Variants in MDH1 observed in about 807,000 individuals in gnomAD.
The protein encoded by MDH1 is malate dehydrogenase, cytoplasmic.
In MDH1, 15 loss-of-function variants were observed where a neutral mutation model predicts 38.7. That is an observed-to-expected ratio of 0.39 (90% CI 0.26 to 0.60). The LOEUF (loss-of-function observed/expected upper bound fraction) is 0.60. MDH1 is among the 20% of genes least tolerant of loss of function. The pLI is 0.56. For synonymous variants in MDH1, 144 were observed against 143.6 expected (o/e 1.00, Z -0.02); for missense variants, 368 against 405.2 (o/e 0.91, Z 0.79).
intron 6 of MDH1, among the ~76,000 whole-genome samples, 180 bp from the exon 7 acceptor site, chr2:63,605,100 G>A (rs1709501554): frequency 6.6e-6 from 1 of 152,136 alleles, no homozygotes; most frequent in Non-Finnish European, 1.5e-5. Flanking sequence ...TTTGTATGGA[G>A]ATACATAGTT....
intron 8 of MDH1, 98 bp downstream of exon 8, chr2:63,606,126 A>G (rs972206425): frequency 1.7e-6 from 2 of 1,159,014 alleles, no homozygotes; most frequent in Non-Finnish European, 2.6e-6. Context: ...TCACGCCTAT[A>G]ATCCCAACAC....
chr2:63,590,009 A>G (rs964346053), intron 1 of MDH1: 4 of 154,012 alleles, frequency 2.6e-5, no homozygotes, highest in East Asian at 1.9e-4. Flanking sequence ...GAACCTGAAA[A>G]GACACGTTTT....
chr2:63,605,650 GC>G (rs1709513656), intron 7 of MDH1, among the ~76,000 whole-genome samples: 1 of 152,172 alleles, frequency 6.6e-6, no homozygotes, highest in South Asian at 2.1e-4. Flanking sequence ...CTGGCACAAT[GC>G]CTGATACATA....
rs760976486 is a variant in MDH1, at chr2:63,605,289, C to G, written c.685C>G (p.Gln229Glu). 1 of 1,612,240 alleles carries G rather than the reference C, an allele frequency of 6.2e-7. No individual in the cohort carries two copies. Among genetic ancestry groups the G allele is most frequent in the South Asian group, 1.1e-5 (1 of 91,030 alleles). The change falls in exon 7 of 9, where the codon CAG (glutamine) becomes GAG (glutamate). Residue 229 changes from glutamine (Q) to glutamate (E), a missense_variant. Coordinates refer to ENST00000233114, the MANE Select transcript of MDH1 (RefSeq NM_005917.4). ...LKGEFVTTVQ[Q>E]RGAAVIKARK... is the part of the protein sequence containing the mutation. ...CCTGCCCCCTTCCCAGACTGTGCAG[C>G]AGCGTGGCGCTGCTGTCATCAAGGC...
At chr2:63,593,548 A>T (rs1192078010) in intron 1 of MDH1, 1 of 471,110 alleles carries the variant, frequency 2.1e-6, no homozygotes, top group Non-Finnish European at 4.4e-6. Context: ...CGTGACTCTC[A>T]TCTGGAAGAA....
chr2:63,602,934 CTTTTTTTTTTTTTTTTTTTTTTTTTT>C (rs370479356), intron 5 of MDH1, among the ~76,000 whole-genome samples: 8 of 131,624 alleles, frequency 6.1e-5, no homozygotes, highest in Non-Finnish European at 1.0e-4. Context: ...TTTAACCGTT[CTTTTTTTTTTTTTTTTTTTTTTTTTT>C]TTTTTTTTTT....
intron 3 of MDH1, among the ~76,000 whole-genome samples, chr2:63,596,094 A>G (rs1429826067): frequency 1.3e-5 from 2 of 152,202 alleles, no homozygotes; most frequent in Non-Finnish European, 2.9e-5. Flanking sequence ...TTTGCAAATC[A>G]TTGAACTATA....
chr2:63,604,001 G>A (rs1480497036), intron 5 of MDH1, among the ~76,000 whole-genome samples: 2 of 152,212 alleles, frequency 1.3e-5, no homozygotes, highest in Non-Finnish European at 2.9e-5. Flanking sequence ...TGTACTACAT[G>A]TGATTGCAAG....
chr2:63,603,977 T>C (rs1486676457), intron 5 of MDH1, among the ~76,000 whole-genome samples: 1 of 152,220 alleles, frequency 6.6e-6, no homozygotes, highest in East Asian at 1.9e-4. Flanking sequence ...CTTTCTAACC[T>C]TTTTTGTGGC....
Position 63,596,407 on chromosome 2 carries a change from T to C in MDH1, c.199+888T>C, listed in dbSNP as rs1003653606. On this transcript the variant is annotated intron_variant, in intron 3 of 8. Transcript: ENST00000233114. ...ATGACTGCCCACACTATTCTGTTGG[T>C]TCCCTTTTCTCACCCACAGCTCTTT... Among the ~76,000 whole-genome samples, 17 of 152,338 alleles carry C rather than the reference T, an allele frequency of 1.1e-4. No individual in the cohort carries two copies. The South Asian group carries it at 3.5e-3, about 32-fold the overall frequency.
chr2:63,595,886 A>G (rs933630385), intron 3 of MDH1, among the ~76,000 whole-genome samples: 8 of 152,332 alleles, frequency 5.3e-5, no homozygotes, highest in East Asian at 1.9e-4. Flanking sequence ...TTAACTGGTA[A>G]TAGTAGCATC....
rs1434592191 is a variant in MDH1, at chr2:63,604,687, T to C, written c.499-9T>C. Reference sequence around the variant, plus strand: ...GTCTCAGTAATGTATTTGTTTTCAATTTAACTAGATTGCTCTTAAACTTGG... The same window carrying C: ...GTCTCAGTAATGTATTTGTTTTCAACTTAACTAGATTGCTCTTAAACTTGG... On this transcript the variant is annotated splice_polypyrimidine_tract_variant and intron_variant, in intron 5 of 8. Coordinates refer to ENST00000233114, the MANE Select transcript of MDH1 (RefSeq NM_005917.4). 6.2e-7 allele frequency: 1 copy of C among 1,608,546 alleles called. No individual in the cohort carries two copies. Among genetic ancestry groups the C allele is most frequent in the African/African-American group, 1.3e-5 (1 of 74,726 alleles).
Position 63,597,532 on chromosome 2 carries a change from C to A in MDH1, c.333C>A (p.Ser111=). The A allele has an allele frequency of 6.7e-7, 1 of 1,503,526 alleles. No individual in the cohort carries two copies. Among genetic ancestry groups the A allele is most frequent in the Non-Finnish European group, 8.9e-7 (1 of 1,117,460 alleles). The allele number at this position is 1,503,526 out of a possible 1,614,324, so 93.1% of individuals were successfully genotyped here. A position where few individuals can be genotyped will look rare whatever the true frequency, so the allele number is the denominator to read the frequency against. ...AAGCAAATGTGAAAATCTTCAAATC[C>A]CAGGGTGCAGCCTTAGATAAATACG... The part of the protein sequence containing the change: ...LLKANVKIFK[S]QGAALDKYAK... The change falls in exon 4 of 9, where the codon TCC becomes TCA. Residue 111 remains serine (S), a synonymous_variant. Coordinates refer to ENST00000233114, the MANE Select transcript of MDH1 (RefSeq NM_005917.4).
Position 63,597,456 on chromosome 2 carries a change from T to G in MDH1, c.257T>G (p.Leu86Arg). ...TTCAAAGACCTGGATGTGGCCATTC[T>G]TGTGGGCTCCATGCCAAGAAGGGAA... Reference protein sequence around the residue: ...VAFKDLDVAILVGSMPRREGM... With the variant: ...VAFKDLDVAIRVGSMPRREGM... Residue 86 changes from leucine to arginine, a missense_variant, in exon 4 of 9, where the codon CTT becomes CGT. By Grantham distance (102) the Leu-to-Arg change is moderately radical. Coordinates refer to ENST00000233114, the MANE Select transcript of MDH1 (RefSeq NM_005917.4). The G allele has an allele frequency of 6.6e-7, 1 of 1,508,078 alleles. No individual in the cohort carries two copies. Among genetic ancestry groups the G allele is most frequent in the Non-Finnish European group, 8.9e-7 (1 of 1,121,328 alleles). The allele number at this position is 1,508,078 out of a possible 1,614,324, so 93.4% of individuals were successfully genotyped here. A position where few individuals can be genotyped will look rare whatever the true frequency, so the allele number is the denominator to read the frequency against.
At position 63,589,159 on chromosome 2, in the gene MDH1, C is replaced by T. The variant is rs962198145; in HGVS notation, c.3+113C>T. Reference sequence around the variant, plus strand: ...GCTGTGCAAGGCACTGTCCTTCGCGCCCTTTGGCAAGCTCGGACTCATCTT... The same window carrying T: ...GCTGTGCAAGGCACTGTCCTTCGCGTCCTTTGGCAAGCTCGGACTCATCTT... On this transcript the variant is annotated intron_variant, in intron 1 of 8. Coordinates refer to ENST00000233114, the MANE Select transcript of MDH1 (RefSeq NM_005917.4). 6.3e-5 allele frequency: 101 copies of T among 1,611,952 alleles called. No individual in the cohort carries two copies. In the Admixed American group the frequency reaches 1.7e-3, roughly 27 times the overall value.
At chr2:63,605,806 CTGA>C (rs1558864078) in intron 7 of MDH1, 130 bp from the exon 8 acceptor site, 7 of 751,670 alleles carry the variant, frequency 9.3e-6, no homozygotes, top group African/African-American at 3.4e-5. Context: ...GTACCTGGTG[CTGA>C]TGATAGTTCC....
chr2:63,604,743 T>C lies in MDH1; in HGVS notation c.546T>C (p.Ile182=). The change falls in exon 6 of 9, where the codon ATT becomes ATC. Residue 182 remains isoleucine, a synonymous_variant. Coordinates refer to ENST00000233114, the MANE Select transcript of MDH1 (RefSeq NM_005917.4). ...GVTANDVKNV[I]IWGNHSSTQY... ...CTGCTAATGATGTAAAGAATGTCAT[T>C]ATCTGGGGAAACCATTCCTCGACTC... The C allele has an allele frequency of 1.2e-6, 2 of 1,614,176 alleles. No individual in the cohort carries two copies. The highest frequency in any genetic ancestry group is 1.7e-6 in the Non-Finnish European group (2 of 1,180,010).
intron 3 of MDH1, among the ~76,000 whole-genome samples, chr2:63,596,997 A>C (rs1709326353): frequency 6.6e-6 from 1 of 152,184 alleles, no homozygotes; most frequent in African/African-American, 2.4e-5. Flanking sequence ...ATTATTTTTA[A>C]ATTTGTGATT....
At chr2:63,589,349 C>G in intron 1 of MDH1, 1 of 1,550,626 alleles carries the variant, frequency 6.4e-7, no homozygotes, top group Non-Finnish European at 8.7e-7. Context: ...CAGCTATTTT[C>G]CAAAGGACGT....
Sources: allele counts gnomAD v4.1 joint callset (sites outside exome capture counted in the v4.1 genomes callset), GRCh38; gene constraint gnomAD v4.1.1; transcripts MANE v1.5; gene names NCBI Gene and HGNC (gene_info 2026-07-23, HGNC 2026-07-21).